PCNX2: variants seen among roughly 807,000 people sequenced by gnomAD.
PCNX2 encodes the protein pecanex-like protein 2.
Under a neutral mutation model 223.8 loss-of-function variants are expected in PCNX2, and 168 were observed. That is an observed-to-expected ratio of 0.75 (90% CI 0.66 to 0.85). The LOEUF (loss-of-function observed/expected upper bound fraction) is 0.85, where lower values mean the gene tolerates loss of function less well. Ranked by LOEUF, PCNX2 falls within the 40% of genes least tolerant of loss-of-function variation. PCNX2 has a pLI of 0.00. For missense variants in PCNX2, 2,507 were observed against 2,675.5 expected (o/e 0.94, Z 1.39); for synonymous variants, 1,006 against 1,052.6 (o/e 0.96, Z 0.86).
Position 233,277,622 on chromosome 1 carries a change from C to T in PCNX2, c.154-14459G>A, listed in dbSNP as rs565345706. 3.9e-5 allele frequency among the ~76,000 whole-genome samples: 6 copies of T among 152,252 alleles called. No individual in the cohort carries two copies. In the East Asian group the frequency reaches 7.7e-4, roughly 20 times the overall value. On this transcript the variant is annotated intron_variant, in intron 1 of 33. Coordinates refer to ENST00000258229, the MANE Select transcript of PCNX2 (RefSeq NM_014801.4). ...ACTCAGGTAAGCTGTCCTATCTTGG[C>T]GTCAAGGCAGTCCAATTAGAGCAGG...
chr1:233,057,564 C>A, intron 23 of PCNX2: 1 of 345,320 alleles, frequency 2.9e-6, no homozygotes. Context: ...AGCACCAGAT[C>A]TGCAAAATCA....
intron 32 of PCNX2, among the ~76,000 whole-genome samples, chr1:232,994,506 G>C (rs762225102): frequency 5.3e-5 from 8 of 152,206 alleles, no homozygotes; most frequent in Admixed American, 1.3e-4. Flanking sequence ...GTCTTGTCTT[G>C]TCTCAGATGA....
At chr1:233,174,566 T>G (rs982897861) in intron 17 of PCNX2, among the ~76,000 whole-genome samples, 6 of 151,930 alleles carry the variant, frequency 3.9e-5, no homozygotes, top group African/African-American at 1.4e-4. Context: ...TCTAGCAGCA[T>G]GGGACCAGAA....
chr1:233,031,684 C>A, intron 25 of PCNX2: 1 of 940,674 alleles, frequency 1.1e-6, no homozygotes, highest in Non-Finnish European at 1.3e-6. Flanking sequence ...CAGCCGGCTG[C>A]ATTCATAAAA....
Position 232,986,088 on chromosome 1 carries a change from T to C in PCNX2, c.6240+4A>G, listed in dbSNP as rs761103510. On this transcript the variant is annotated splice_donor_region_variant and intron_variant, in intron 33 of 33. Transcript: ENST00000258229. The stretch of plus-strand genomic sequence containing the variant: ...GTCCTGGTGAGCCCTGCCCAGCCCC[T>C]TACCCGAGTGGCCTGGCTGGCAGCC... The C allele has an allele frequency of 1.7e-5, 26 of 1,556,684 alleles. No homozygotes were observed. Among genetic ancestry groups the C allele is most frequent in the Non-Finnish European group, 2.2e-5 (25 of 1,149,644 alleles).
intron 8 of PCNX2, among the ~76,000 whole-genome samples, chr1:233,238,865 C>T (rs1658583581): frequency 6.6e-6 from 1 of 152,112 alleles, no homozygotes; most frequent in Non-Finnish European, 1.5e-5. Flanking sequence ...CTTAAAAATC[C>T]TGTGCTTCCA....
At chr1:233,242,670 A>T (rs1235106754) in intron 8 of PCNX2, among the ~76,000 whole-genome samples, 5 of 152,254 alleles carry the variant, frequency 3.3e-5, no homozygotes, top group African/African-American at 4.8e-5. Context: ...TTTAATTACA[A>T]GATCTACTGA....
intron 25 of PCNX2, among the ~76,000 whole-genome samples, chr1:233,030,579 C>A (rs1671227572): frequency 6.6e-6 from 1 of 152,174 alleles, no homozygotes; most frequent in African/African-American, 2.4e-5. Flanking sequence ...ATCTGCCCAT[C>A]AGGTTGTCAG....
At chr1:233,282,733 G>T (rs947356581) in intron 1 of PCNX2, among the ~76,000 whole-genome samples, 1 of 152,024 alleles carries the variant, frequency 6.6e-6, no homozygotes, top group African/African-American at 2.4e-5. Flanking sequence ...TCCTTTCTTT[G>T]ATCTACTTTC....
intron 21 of PCNX2, among the ~76,000 whole-genome samples, chr1:233,117,586 G>A (rs1675486977): frequency 7.3e-6 from 1 of 136,330 alleles, no homozygotes; most frequent in African/African-American, 2.8e-5. Flanking sequence ...GGGCGACAGA[G>A]TGAGACTCCG....
chr1:233,232,741 A>T (rs978380631), intron 9 of PCNX2: 1 of 908,658 alleles, frequency 1.1e-6, no homozygotes, highest in East Asian at 1.2e-4. Context: ...TTGTGATGTA[A>T]ATGCTACCTT....
At chr1:233,003,541 T>C (rs1462244358) in intron 28 of PCNX2, among the ~76,000 whole-genome samples, 1 of 152,244 alleles carries the variant, frequency 6.6e-6, no homozygotes, top group Non-Finnish European at 1.5e-5. Context: ...CAGACGCTTT[T>C]ACACTGTTAG....
intron 1 of PCNX2, among the ~76,000 whole-genome samples, chr1:233,267,811 T>C (rs1168678607): frequency 6.6e-6 from 1 of 152,244 alleles, no homozygotes; most frequent in African/African-American, 2.4e-5. Context: ...CTACTGTGAA[T>C]AACGCTGCTC....
chr1:233,094,148 T>A (rs1385649109), intron 22 of PCNX2, among the ~76,000 whole-genome samples: 1 of 152,220 alleles, frequency 6.6e-6, no homozygotes, highest in Admixed American at 6.5e-5. Flanking sequence ...TACAGACAGA[T>A]GCAAGTCCAA....
chr1:233,274,276 A>G (rs899147308), intron 1 of PCNX2, among the ~76,000 whole-genome samples: 3 of 152,176 alleles, frequency 2.0e-5, no homozygotes, highest in Non-Finnish European at 4.4e-5. Context: ...CTTGGGCCAG[A>G]TAGTTTTTTG....
intron 19 of PCNX2, among the ~76,000 whole-genome samples, chr1:233,145,303 C>T (rs557046740): frequency 6.6e-6 from 1 of 152,142 alleles, no homozygotes; most frequent in Non-Finnish European, 1.5e-5. Context: ...TGATCACATT[C>T]TCCTATGGTT....
intron 24 of PCNX2, among the ~76,000 whole-genome samples, chr1:233,055,420 G>A (rs1299087963): frequency 6.6e-6 from 1 of 152,130 alleles, no homozygotes; most frequent in Non-Finnish European, 1.5e-5. Context: ...ACAGCCAGGG[G>A]TGCGTGTTGA....
intron 23 of PCNX2, chr1:233,058,131 C>G: frequency 1.2e-6 from 1 of 855,746 alleles, no homozygotes; most frequent in Non-Finnish European, 1.4e-6. Context: ...GTAAACACCC[C>G]TCAGTGCACA....
At chr1:233,143,900 A>G (rs1276604791) in intron 19 of PCNX2, among the ~76,000 whole-genome samples, 1 of 152,110 alleles carries the variant, frequency 6.6e-6, no homozygotes, top group African/African-American at 2.4e-5. Context: ...ATTCTCCTGC[A>G]TTACTTGGAT....
Sources: gnomAD v4.1 joint callset for allele counts (sites outside exome capture counted in the v4.1 genomes callset) on GRCh38, gnomAD v4.1.1 for gene constraint, MANE v1.5 for transcripts, NCBI Gene and HGNC (gene_info 2026-07-23, HGNC 2026-07-21) for gene names.